Variants in OR3A2 observed in about 807,000 individuals in gnomAD.
The protein encoded by OR3A2 is olfactory receptor 3A2.
For missense variants in OR3A2, 318 were observed against 392.8 expected (o/e 0.81, Z 1.61); for synonymous variants, 126 against 159.3 (o/e 0.79, Z 1.57).
chr17:3,382,941 G>C (rs1046531916), intron 2 of OR3A2, among the ~76,000 whole-genome samples: 8 of 152,108 alleles, frequency 5.3e-5, no homozygotes, highest in African/African-American at 1.9e-4. Context: ...CACAATGCCG[G>C]ACCCAATAAA....
At position 3,311,029 on chromosome 17, in the gene OR3A2, C is replaced by G. The variant is rs777791006; in HGVS notation, c.-85+25004G>C. Reference sequence around the variant, plus strand: ...CGCTCTGCAGAGGGCAGAAAGAAAGCCTTCTCCACGTGTAGTTCCCACCTC... The same window carrying G: ...CGCTCTGCAGAGGGCAGAAAGAAAGGCTTCTCCACGTGTAGTTCCCACCTC... On this transcript the variant is annotated intron_variant, in intron 3 of 4. Coordinates refer to the OR3A2 transcript ENST00000573491. The surrounding 1 kb of genome is among the most constrained non-coding windows in gnomAD (Gnocchi z 4.6). The G allele has an allele frequency of 3.7e-6, 2 of 547,198 alleles. No individual in the cohort carries two copies. Among genetic ancestry groups the G allele is most frequent in the Admixed American group, 1.9e-5 (1 of 51,968 alleles). 33.9% of individuals were successfully genotyped at this position (547,198 alleles called of 1,614,324 possible).
chr17:3,312,781 G>A (rs1440426562), intron 3 of OR3A2, among the ~76,000 whole-genome samples: 2 of 152,096 alleles, frequency 1.3e-5, no homozygotes, highest in Non-Finnish European at 1.5e-5. Flanking sequence ...CTGCCACCAC[G>A]TCCGGCTAAT....
intron 3 of OR3A2, among the ~76,000 whole-genome samples, chr17:3,297,372 G>A: frequency 6.6e-6 from 1 of 152,102 alleles, no homozygotes. Context: ...CTTTAACTCA[G>A]GTTGTAAGGT....
rs565044976 is a variant in OR3A2 at position 3,364,734 on chromosome 17, C to T, written c.-179+19070G>A. ...ATTACCATATGATCCAGCAATCTCACTCCTGGGTATATAGCCAAAGGAAGT... is the reference window on the plus strand; with the variant it reads ...ATTACCATATGATCCAGCAATCTCATTCCTGGGTATATAGCCAAAGGAAGT... On this transcript the variant is annotated intron_variant, in intron 2 of 4. Coordinates refer to the OR3A2 transcript ENST00000573491. Among the ~76,000 whole-genome samples the T allele has an allele frequency of 1.5e-4, 23 of 152,294 alleles. 1 individual carries two copies. The South Asian group carries it at 4.6e-3, about 30-fold the overall frequency.
chr17:3,348,099 T>G (rs1431053060), intron 2 of OR3A2, among the ~76,000 whole-genome samples: 5 of 152,186 alleles, frequency 3.3e-5, no homozygotes, highest in African/African-American at 1.2e-4. Flanking sequence ...GTTGTTTGTT[T>G]TTTTCTTGTA....
chr17:3,378,631 C>T (rs1015384827), intron 2 of OR3A2, among the ~76,000 whole-genome samples: 3 of 152,124 alleles, frequency 2.0e-5, no homozygotes, highest in Non-Finnish European at 2.9e-5. Context: ...CAGCCCTGGC[C>T]GCACCTCCCC....
intron 3 of OR3A2, among the ~76,000 whole-genome samples, chr17:3,294,688 GACAA>G (rs1204920042): frequency 1.2e-4 from 18 of 151,970 alleles, no homozygotes; most frequent in East Asian, 1.9e-4. Flanking sequence ...TCAAAAAACA[GACAA>G]ACAAACAAAA....
At chr17:3,279,138 G>T in intron 1 of OR3A2, 1 of 716,866 alleles carries the variant, frequency 1.4e-6, no homozygotes, top group Non-Finnish European at 2.3e-6. Flanking sequence ...TCTGCTAGCT[G>T]AAAAGGTCAG....
At chr17:3,355,429 TC>T (rs2049458396) in intron 2 of OR3A2, among the ~76,000 whole-genome samples, 1 of 1,004 alleles carries the variant, frequency 1.0e-3, no homozygotes, top group Non-Finnish European at 5.2e-3. Context: ...TGTTGGCATT[TC>T]TCTCTCTCTC....
At position 3,347,250 on chromosome 17, in the gene OR3A2, T is replaced by A. The variant is rs910684273; in HGVS notation, c.-178-11124A>T. 6.6e-5 allele frequency among the ~76,000 whole-genome samples: 10 copies of A among 150,438 alleles called. No individual in the cohort carries two copies. In the East Asian group the frequency reaches 1.4e-3, roughly 21 times the overall value. On this transcript the variant is annotated intron_variant, in intron 2 of 4. Transcript: ENST00000573491. Reference sequence around the variant, plus strand: ...CATTTGTATGTCTTCTTTTTTTTTTTATCATTATTATACTTTAAGTTTTAG... The same window carrying A: ...CATTTGTATGTCTTCTTTTTTTTTTAATCATTATTATACTTTAAGTTTTAG...
upstream of OR3A2, among the ~76,000 whole-genome samples, chr17:3,287,211 A>G (rs1006620065): frequency 3.9e-5 from 6 of 152,196 alleles, no homozygotes; most frequent in Non-Finnish European, 8.8e-5. Context: ...GTACTAATTA[A>G]GTAATTTCTC....
intron 3 of OR3A2, chr17:3,291,648 C>A (rs567708340): frequency 3.1e-6 from 5 of 1,597,278 alleles, no homozygotes; most frequent in South Asian, 1.1e-5. Flanking sequence ...AGCCAGTGAC[C>A]GCCTCCCTGT....
intron 2 of OR3A2, among the ~76,000 whole-genome samples, chr17:3,355,392 G>A (rs1345397956): frequency 1.3e-5 from 2 of 150,432 alleles, no homozygotes; most frequent in Middle Eastern, 3.2e-3. Context: ...ACTGAAAGTG[G>A]GGTATTGAAG....
chr17:3,357,394 C>A (rs1468861720), intron 2 of OR3A2, among the ~76,000 whole-genome samples: 6 of 151,610 alleles, frequency 4.0e-5, no homozygotes, highest in Non-Finnish European at 8.8e-5. Context: ...CAACCCTCCC[C>A]ATGAAAATAA....
chr17:3,307,212 C>T (rs773051307), intron 3 of OR3A2, among the ~76,000 whole-genome samples: 16 of 152,208 alleles, frequency 1.1e-4, no homozygotes, highest in Non-Finnish European at 1.3e-4. Context: ...AGGAGGAGAC[C>T]TGCAATGAGT....
chr17:3,351,475 G>A (rs9709327), intron 2 of OR3A2, among the ~76,000 whole-genome samples: 6,573 of 81,028 alleles, frequency 0.081, 603 homozygotes, highest in East Asian at 0.49. Context: ...CAACTTACAA[G>A]GGATGTGAAG....
At chr17:3,364,253 G>A (rs1436061718) in intron 2 of OR3A2, among the ~76,000 whole-genome samples, 1 of 152,068 alleles carries the variant, frequency 6.6e-6, no homozygotes, top group African/African-American at 2.4e-5. Flanking sequence ...TTCTATTTAT[G>A]GGGTATAATA....
At chr17:3,355,396 A>G (rs1021278621) in intron 2 of OR3A2, among the ~76,000 whole-genome samples, 2 of 150,384 alleles carry the variant, frequency 1.3e-5, no homozygotes, top group African/African-American at 4.9e-5. Context: ...AAAGTGGGGT[A>G]TTGAAGTCTC....
intron 2 of OR3A2, among the ~76,000 whole-genome samples, chr17:3,340,518 A>G (rs901097604): frequency 6.6e-6 from 1 of 152,028 alleles, no homozygotes; most frequent in African/African-American, 2.4e-5. Context: ...CCTTCATTTC[A>G]TGATTTATCC....
Sources: allele counts gnomAD v4.1 joint callset (sites outside exome capture counted in the v4.1 genomes callset), GRCh38; gene constraint gnomAD v4.1.1; non-coding constraint Gnocchi (gnomAD v3.1); transcripts MANE v1.5; gene names NCBI Gene and HGNC (gene_info 2026-07-23, HGNC 2026-07-21).